Variants in LGSN observed in about 807,000 individuals in gnomAD.
LGSN encodes the protein lengsin.
LGSN carries 21 observed loss-of-function variants against 19.5 expected under a neutral mutation model. The observed-to-expected ratio is 1.07, with a 90% CI of 0.76 to 1.55. The LOEUF is 1.55. Among genes scored for constraint, LGSN ranks in the 40% most tolerant of loss-of-function variants. The probability of loss-of-function intolerance (pLI) is 0.00; values close to 1 mark genes in which losing one functional copy is unlikely to be tolerated. For missense variants in LGSN, 673 were observed against 608.5 expected (o/e 1.11, Z -1.12); for synonymous variants, 257 against 215.6 (o/e 1.19, Z -1.68).
the LGSN span, among the ~76,000 whole-genome samples, chr6:63,542,401 C>T: frequency 2.4e-4 from 36 of 152,050 alleles, no homozygotes; most frequent in African/African-American, 8.2e-4. Context: ...CCAAACACCA[C>T]CTGTTCCCCA....
chr6:63,282,675 C>A (rs924945621), intron 3 of LGSN, among the ~76,000 whole-genome samples: 1 of 152,298 alleles, frequency 6.6e-6, no homozygotes, highest in Non-Finnish European at 1.5e-5. Context: ...TTTTTGAATG[C>A]TATTTGACTG....
chr6:63,436,797 A>C, the LGSN span, among the ~76,000 whole-genome samples: 11 of 152,290 alleles, frequency 7.2e-5, no homozygotes, highest in African/African-American at 2.6e-4. Flanking sequence ...ACACTTTGGG[A>C]GGCTGAGGCA....
the LGSN span, among the ~76,000 whole-genome samples, chr6:63,463,268 A>G: frequency 6.6e-6 from 1 of 152,204 alleles, no homozygotes; most frequent in Non-Finnish European, 1.5e-5. Flanking sequence ...CCTGACATGT[A>G]TAAAGAACTA....
chr6:63,451,212 T>C, the LGSN span, among the ~76,000 whole-genome samples: 8 of 152,256 alleles, frequency 5.3e-5, no homozygotes, highest in South Asian at 2.1e-4. Flanking sequence ...AGAAATACCA[T>C]TGGACCCAGC....
the LGSN span, among the ~76,000 whole-genome samples, chr6:63,501,304 GT>G: frequency 6.6e-6 from 1 of 151,188 alleles, no homozygotes; most frequent in East Asian, 2.0e-4. Context: ...GGAGGTTGCA[GT>G]GAGCCGAGAT....
chr6:63,424,400 CAAG>C, the LGSN span, among the ~76,000 whole-genome samples: 1 of 151,522 alleles, frequency 6.6e-6, no homozygotes, highest in Non-Finnish European at 1.5e-5. Flanking sequence ...CCAAATATTT[CAAG>C]AAGAATTTAC....
chr6:63,366,083 G>A, the LGSN span, among the ~76,000 whole-genome samples: 1 of 152,126 alleles, frequency 6.6e-6, no homozygotes, highest in Non-Finnish European at 1.5e-5. Context: ...TGGAAGTTCT[G>A]GACAGGGCAC....
In LGSN at chr6:63,279,895, A is replaced by C; in HGVS notation, c.*126T>G. On this transcript the variant is annotated 3_prime_UTR_variant, in exon 4 of 4. Coordinates refer to ENST00000370657, the MANE Select transcript of LGSN (RefSeq NM_016571.3). ...TCAAATATTCCATGGACAAAAAAAA[A>C]AGTCAAAAGCATTCGTAATCTTGTT... is the stretch of plus-strand genomic sequence containing the variant. The C allele has an allele frequency of 1.1e-6, 1 of 908,080 alleles. No individual in the cohort carries two copies. The highest frequency in any genetic ancestry group is 1.7e-6 in the Non-Finnish European group (1 of 592,576). 56.3% of individuals were successfully genotyped at this position (908,080 alleles called of 1,614,324 possible).
the LGSN span, among the ~76,000 whole-genome samples, chr6:63,448,381 TC>T: frequency 1.2e-3 from 182 of 152,360 alleles, 2 homozygotes; most frequent in East Asian, 0.029. Flanking sequence ...CATGAGTTCA[TC>T]CTTATTTACT....
the LGSN span, among the ~76,000 whole-genome samples, chr6:63,551,087 A>G: frequency 1.3e-5 from 2 of 151,908 alleles, no homozygotes; most frequent in Non-Finnish European, 2.9e-5. Flanking sequence ...TTGTTTTGAG[A>G]TGGAGTCTCC....
At chr6:63,391,388 C>A in the LGSN span, among the ~76,000 whole-genome samples, 1 of 152,332 alleles carries the variant, frequency 6.6e-6, no homozygotes, top group South Asian at 2.1e-4. Flanking sequence ...GGACTGATAG[C>A]AGCTCTTACA....
the LGSN span, among the ~76,000 whole-genome samples, chr6:63,364,518 A>G: frequency 6.6e-6 from 1 of 152,180 alleles, no homozygotes; most frequent in Non-Finnish European, 1.5e-5. Context: ...TCAACATTAG[A>G]GAGATCAACA....
the LGSN span, among the ~76,000 whole-genome samples, chr6:63,545,623 GAAGA>G: frequency 6.6e-6 from 1 of 151,704 alleles, no homozygotes; most frequent in Non-Finnish European, 1.5e-5. Context: ...AAAAAAAAAG[GAAGA>G]AAGAAAGAAA....
At chr6:63,435,485 G>C in the LGSN span, among the ~76,000 whole-genome samples, 8 of 152,258 alleles carry the variant, frequency 5.3e-5, no homozygotes, top group South Asian at 1.7e-3. Flanking sequence ...AGAACTGAAT[G>C]GTCGCATCTC....
chr6:63,417,783 TTAGTG>T, the LGSN span, among the ~76,000 whole-genome samples: 1 of 152,204 alleles, frequency 6.6e-6, no homozygotes, highest in African/African-American at 2.4e-5. Context: ...CTCATAGTAC[TTAGTG>T]TAAAGACCCA....
In LGSN at chr6:63,313,568, C is replaced by T. The variant is rs537134854; in HGVS notation, c.30+6346G>A. ...ATGCTAAGACAGCCAGGCACAGTGG[C>T]TTACACCTGTAATCTCAGCACTTTG... is the stretch of plus-strand genomic sequence containing the variant. On this transcript the variant is annotated intron_variant, in intron 1 of 3. Coordinates refer to ENST00000370657, the MANE Select transcript of LGSN (RefSeq NM_016571.3). Among the ~76,000 whole-genome samples the T allele has an allele frequency of 1.6e-4, 24 of 152,256 alleles. No homozygotes were observed. The South Asian group carries it at 4.8e-3, about 30-fold the overall frequency.
chr6:63,530,470 G>T, the LGSN span, among the ~76,000 whole-genome samples: 1 of 152,066 alleles, frequency 6.6e-6, no homozygotes, highest in African/African-American at 2.4e-5. Context: ...AGGCTTAGAC[G>T]CCCAGATGTA....
the LGSN span, among the ~76,000 whole-genome samples, chr6:63,500,578 C>T: frequency 0.45 from 68,867 of 151,504 alleles, 15,841 homozygotes; most frequent in African/African-American, 0.5. Context: ...TGCACCACCA[C>T]GCCTGGCTAA....
chr6:63,284,020 T>C (rs2127382722), intron 3 of LGSN, among the ~76,000 whole-genome samples: 1 of 152,290 alleles, frequency 6.6e-6, no homozygotes, highest in South Asian at 2.1e-4. Flanking sequence ...ATTTTTAATG[T>C]CTATTCACAG....
Sources: allele counts gnomAD v4.1 joint callset (sites outside exome capture counted in the v4.1 genomes callset), GRCh38; gene constraint gnomAD v4.1.1; transcripts MANE v1.5; gene names NCBI Gene and HGNC (gene_info 2026-07-23, HGNC 2026-07-21).